ZNF561: variants seen among roughly 807,000 people sequenced by gnomAD.
The protein encoded by ZNF561 is zinc finger protein 561.
In ZNF561, 16 loss-of-function variants were observed where a neutral mutation model predicts 16.7. The observed-to-expected ratio is 0.96, with a 90% CI of 0.65 to 1.45. The LOEUF (loss-of-function observed/expected upper bound fraction) is 1.45, where lower values mean the gene tolerates loss of function less well. Among genes scored for constraint, ZNF561 ranks in the 40% most tolerant of loss-of-function variants. The pLI, the probability that ZNF561 is intolerant of heterozygous loss-of-function variation, is 0.00. For synonymous variants in ZNF561, 190 were observed against 192.1 expected (o/e 0.99, Z 0.09); for missense variants, 580 against 578.0 (o/e 1.00, Z -0.04).
At chr19:9,619,341 A>T (rs1430501723) in intron 2 of ZNF561, 91 bp downstream of exon 2, 1 of 1,274,282 alleles carries the variant, frequency 7.8e-7, no homozygotes, top group East Asian at 2.4e-5. Context: ...AACCAGCTGC[A>T]TGCCTGCTCA....
intron 2 of ZNF561, 110 bp from the exon 3 acceptor site, chr19:9,618,289 A>T: frequency 9.8e-7 from 1 of 1,021,620 alleles, no homozygotes; most frequent in South Asian, 1.5e-5. Flanking sequence ...GCTCCTACAC[A>T]CTCGAGAAAA....
Position 9,609,993 on chromosome 19 carries a change from C to T in ZNF561, c.*207G>A. 2 of 517,330 alleles carry T rather than the reference C, an allele frequency of 3.9e-6. No individual in the cohort carries two copies. Among genetic ancestry groups the T allele is most frequent in the Non-Finnish European group, 6.8e-6 (2 of 293,084 alleles). The allele number at this position is 517,330 out of a possible 1,614,324, so 32.0% of individuals were successfully genotyped here. On this transcript the variant is annotated 3_prime_UTR_variant, in exon 6 of 6. Transcript: ENST00000302851. ...CACCAAGGTGAGGCAGCCTGCAGTACTGACCTCACCATCCATGACCCTTCT... is the reference window on the plus strand; with the variant it reads ...CACCAAGGTGAGGCAGCCTGCAGTATTGACCTCACCATCCATGACCCTTCT...
In ZNF561 at chr19:9,614,097, T is replaced by C. The variant is rs1202717372; in HGVS notation, c.248A>G (p.Glu83Gly). 6.2e-7 allele frequency: 1 copy of C among 1,614,056 alleles called. No individual in the cohort carries two copies. The highest frequency in any genetic ancestry group is 1.7e-5 in the Admixed American group (1 of 60,022). The change falls in exon 5 of 6, where the codon GAA (glutamate) becomes GGA (glycine). Residue 83 changes from glutamate (E) to glycine (G), a missense_variant. Glu to Gly is a moderately conservative substitution (Grantham distance 98). Transcript: ENST00000302851. ...TGACCGTTTGGTTCTAGGTTGTATT[T>C]CCCATTCTAAAGTTAAGCAGAAAAA... ...NYMNLASVEWEIQPRTKRSSL... is the reference protein window; with the variant it reads ...NYMNLASVEWGIQPRTKRSSL...
intron 5 of ZNF561, among the ~76,000 whole-genome samples, chr19:9,611,949 A>G (rs2074466399): frequency 1.3e-5 from 2 of 151,960 alleles, no homozygotes; most frequent in South Asian, 4.1e-4. Context: ...TTATTTAGAG[A>G]CAGAGTCTTG....
intron 5 of ZNF561, 100 bp from the exon 6 acceptor site, chr19:9,611,436 C>T (rs978705760): frequency 1.5e-5 from 19 of 1,255,580 alleles, no homozygotes; most frequent in Admixed American, 5.6e-5. Context: ...TATGATTTTA[C>T]TTTTTAATAT....
At position 9,619,437 on chromosome 19, in the gene ZNF561, G is replaced by A. The variant is rs1338215072; in HGVS notation, c.20C>T (p.Ser7Phe). MAAIYL[S>F]RGFFSREPIC... ...GAGCATCAACAAAGACTTACCACGGGACAAATAAATGGCTGCCATTCTCTG... is the reference window on the plus strand; with the variant it reads ...GAGCATCAACAAAGACTTACCACGGAACAAATAAATGGCTGCCATTCTCTG... Residue 7 changes from serine to phenylalanine, a missense_variant, in exon 2 of 6, where the codon TCC becomes TTC. Ser to Phe is a radical substitution (Grantham distance 155). Transcript: ENST00000302851. 7.4e-6 allele frequency: 12 copies of A among 1,613,250 alleles called. No homozygotes were observed. The highest frequency in any genetic ancestry group is 1.0e-5 in the Non-Finnish European group (12 of 1,179,568).
At chr19:9,619,158 G>A (rs1466806573) in intron 2 of ZNF561, 2 of 202,030 alleles carry the variant, frequency 9.9e-6, no homozygotes, top group Non-Finnish European at 2.0e-5. Context: ...TTGGGAGGCT[G>A]AGGCAAGAGA....
intron 1 of ZNF561, among the ~76,000 whole-genome samples, chr19:9,620,160 A>T (rs2074644110): frequency 6.6e-6 from 1 of 151,670 alleles, no homozygotes; most frequent in Non-Finnish European, 1.5e-5. Flanking sequence ...CATGATCTCA[A>T]CTCATTGCAA....
chr19:9,615,385 T>C (rs1393129442), intron 4 of ZNF561, among the ~76,000 whole-genome samples: 1 of 150,888 alleles, frequency 6.6e-6, no homozygotes, highest in Non-Finnish European at 1.5e-5. Context: ...TCATTTGAGG[T>C]CAGGAGTTTA....
intron 1 of ZNF561, 80 bp downstream of exon 1, chr19:9,621,082 G>C (rs1336782763): frequency 1.3e-5 from 2 of 152,710 alleles, no homozygotes; most frequent in Non-Finnish European, 2.9e-5. Context: ...GCGGATCTGA[G>C]AGGCTCCTAG....
At chr19:9,613,454 C>T (rs781000670) in intron 5 of ZNF561, among the ~76,000 whole-genome samples, 1 of 152,018 alleles carries the variant, frequency 6.6e-6, no homozygotes, top group Non-Finnish European at 1.5e-5. Flanking sequence ...AGGCTGGTCT[C>T]GAAGTGCTAA....
At chr19:9,618,314 C>T (rs929158793) in intron 2 of ZNF561, 135 bp from the exon 3 acceptor site, 6 of 900,480 alleles carry the variant, frequency 6.7e-6, no homozygotes, top group Non-Finnish European at 9.9e-6. Context: ...ACACACAACA[C>T]TTCCATGAAA....
At position 9,609,012 on chromosome 19, in the gene ZNF561, G is replaced by C. The variant is rs532695386; in HGVS notation, c.*1188C>G. 1.3e-5 allele frequency: 2 copies of C among 152,146 alleles called. No individual in the cohort carries two copies. The highest frequency in any genetic ancestry group is 2.9e-5 in the Non-Finnish European group (2 of 68,050). The allele number at this position is 152,146 out of a possible 1,614,324, so 9.4% of individuals were successfully genotyped here. On this transcript the variant is annotated 3_prime_UTR_variant, in exon 6 of 6. Transcript: ENST00000302851. ...CATGCTGGAGGTTGCTGGTTTACCCGAATGAGGGCAAGGAACACCTGGCCC... is the reference window on the plus strand; with the variant it reads ...CATGCTGGAGGTTGCTGGTTTACCCCAATGAGGGCAAGGAACACCTGGCCC...
rs759147230 is a variant in ZNF561 at position 9,618,078 on chromosome 19, G to A, written c.114+13C>T. 2.3e-4 allele frequency: 350 copies of A among 1,548,852 alleles called. No homozygotes were observed. The highest frequency in any genetic ancestry group is 2.5e-4 in the Non-Finnish European group (283 of 1,144,856). ...AGCATATCATTTTTAACAACAGTAC[G>A]TTTTCTGCTTACCTGATAACCACTT... On this transcript the variant is annotated intron_variant, in intron 3 of 5. Coordinates refer to ENST00000302851, the MANE Select transcript of ZNF561 (RefSeq NM_152289.3).
At position 9,607,751 on chromosome 19, in the gene ZNF561, A is replaced by ATG. The variant is rs1460392491; in HGVS notation, c.*2447_*2448dup. 6.6e-6 allele frequency: 1 copy of ATG among 152,208 alleles called. No individual in the cohort carries two copies. Among genetic ancestry groups the ATG allele is most frequent in the African/African-American group, 2.4e-5 (1 of 41,458 alleles). 9.4% of individuals were successfully genotyped at this position (152,208 alleles called of 1,614,324 possible). On this transcript the variant is annotated 3_prime_UTR_variant, in exon 6 of 6. Transcript: ENST00000302851. ...AAGTAAGAGTCATTATTTACAGATT[A>ATG]TGTGATTGTCTATGTGGAAACGGAA... is the stretch of plus-strand genomic sequence containing the variant.
chr19:9,614,527 C>A (rs1040396724), intron 4 of ZNF561, among the ~76,000 whole-genome samples: 3 of 152,150 alleles, frequency 2.0e-5, no homozygotes, highest in South Asian at 2.1e-4. Flanking sequence ...ATTGCTTGAA[C>A]CTGGGAGGCA....
intron 1 of ZNF561, 120 bp downstream of exon 1, chr19:9,621,042 G>C (rs1463095990): frequency 6.6e-6 from 1 of 152,444 alleles, no homozygotes; most frequent in East Asian, 1.9e-4. Context: ...AGGGAGGACT[G>C]ATAGTCCCTG....
At position 9,610,194 on chromosome 19, in the gene ZNF561, G is replaced by C; in HGVS notation, c.*6C>G. ...TTGCCAATAATTAAAGATGGCAACC[G>C]ATGGGCTAAATGGTAACACTCATAT... On this transcript the variant is annotated 3_prime_UTR_variant, in exon 6 of 6. Coordinates refer to ENST00000302851, the MANE Select transcript of ZNF561 (RefSeq NM_152289.3). 1 of 1,554,436 alleles carries C rather than the reference G, an allele frequency of 6.4e-7. No homozygotes were observed.
At chr19:9,619,306 G>A in intron 2 of ZNF561, 126 bp downstream of exon 2, 1 of 675,760 alleles carries the variant, frequency 1.5e-6, no homozygotes, top group East Asian at 2.8e-5. Flanking sequence ...TCTGTTCTGT[G>A]GTTCACTTCA....
Sources: gnomAD v4.1 joint callset for allele counts (sites outside exome capture counted in the v4.1 genomes callset) on GRCh38, gnomAD v4.1.1 for gene constraint, MANE v1.5 for transcripts, NCBI Gene and HGNC (gene_info 2026-07-23, HGNC 2026-07-21) for gene names.